Variants in HIVEP3 observed in about 807,000 individuals in gnomAD.
The protein encoded by HIVEP3 is transcription factor HIVEP3.
Under a neutral mutation model 152.8 loss-of-function variants are expected in HIVEP3, and 49 were observed. That is an observed-to-expected ratio of 0.32 (90% CI 0.26 to 0.41). The LOEUF (loss-of-function observed/expected upper bound fraction) is 0.41, where lower values mean the gene tolerates loss of function less well. Among genes scored for constraint, HIVEP3 ranks in the 10% least tolerant of loss-of-function variants. HIVEP3 has a pLI of 1.00. For synonymous variants in HIVEP3, 1,269 were observed against 1,289.0 expected (o/e 0.98, Z 0.33); for missense variants, 2,790 against 3,103.3 (o/e 0.90, Z 2.40).
At position 41,752,259 on chromosome 1, in the gene HIVEP3, A is replaced by C. The variant is rs78151068; in HGVS notation, c.-800-51264T>G. On this transcript the variant is annotated intron_variant, in intron 1 of 8. Coordinates refer to ENST00000372583, the MANE Select transcript of HIVEP3 (RefSeq NM_024503.5). ...TGTGCTGCACCTCCCTGGTCAGCAC[A>C]CATGGAGTCTGTGGCAGTCACCCAC... Among the ~76,000 whole-genome samples, 33 of 152,338 alleles carry C rather than the reference A, an allele frequency of 2.2e-4. No individual in the cohort carries two copies. In the East Asian group the frequency reaches 5.6e-3, roughly 26 times the overall value.
chr1:41,646,251 G>A (rs1257708637), intron 2 of HIVEP3, among the ~76,000 whole-genome samples: 1 of 152,228 alleles, frequency 6.6e-6, no homozygotes, highest in African/African-American at 2.4e-5. Context: ...AGCCTATGGA[G>A]AAGGAAGGAG....
intron 1 of HIVEP3, among the ~76,000 whole-genome samples, chr1:41,850,508 G>A (rs1643566460): frequency 6.6e-6 from 1 of 152,158 alleles, no homozygotes; most frequent in South Asian, 2.1e-4. Context: ...AGGAACCCCA[G>A]CAGCACTACT....
chr1:41,701,548 C>T (rs1260978123), intron 1 of HIVEP3, among the ~76,000 whole-genome samples: 1 of 152,156 alleles, frequency 6.6e-6, no homozygotes, highest in African/African-American at 2.4e-5. Flanking sequence ...GACCTCTGTG[C>T]CAGGTGCTGG....
At chr1:41,939,408 G>A (rs1465400203) in intron 1 of HIVEP3, among the ~76,000 whole-genome samples, 3 of 152,232 alleles carry the variant, frequency 2.0e-5, no homozygotes, top group Admixed American at 6.5e-5. Flanking sequence ...GGCAGGTGCT[G>A]ACGAGTCTCC....
rs2146315 is a variant in HIVEP3, at chr1:41,584,695, C to T, written c.103G>A (p.Val35Ile). 0.25 allele frequency: 387,618 copies of T among 1,567,498 alleles called. 49,720 individuals carry two copies. The highest frequency in any genetic ancestry group is 0.38 in the East Asian group (16,703 of 44,458). ...GCTGTGCCGCTGCCTGGGTATGGGA[C>T]GCTGGAAGAAACACTGGTCTGAATG... ...EAIQTSVSSS[V>I]PYPGSGTAAT... The change falls in exon 4 of 9, where the codon GTC (valine) becomes ATC (isoleucine). Residue 35 changes from valine to isoleucine, a missense_variant. Around this residue, in one of 9 missense-constraint regions of HIVEP3, gnomAD observed 209 missense variants for 237.0 expected, o/e 0.88. Transcript: ENST00000372583. The surrounding 1 kb of genome is among the most constrained non-coding windows in gnomAD (Gnocchi z 5.2).
At chr1:41,650,314 AC>A (rs1168180835) in intron 2 of HIVEP3, among the ~76,000 whole-genome samples, 7 of 152,082 alleles carry the variant, frequency 4.6e-5, no homozygotes, top group African/African-American at 2.4e-5. Flanking sequence ...CTGCTGAAGC[AC>A]CATTGCGTGC....
chr1:41,658,786 G>T (rs934222689), intron 2 of HIVEP3, among the ~76,000 whole-genome samples: 1 of 152,180 alleles, frequency 6.6e-6, no homozygotes, highest in Non-Finnish European at 1.5e-5. Context: ...ATCAGGAACC[G>T]CACAGATGTA....
At chr1:41,609,017 G>A (rs1337139276) in intron 3 of HIVEP3, among the ~76,000 whole-genome samples, 6 of 151,956 alleles carry the variant, frequency 3.9e-5, no homozygotes, top group African/African-American at 9.7e-5. Context: ...CTAGGAGGTG[G>A]AGGTTGCAGT....
intron 1 of HIVEP3, chr1:41,848,017 C>G (rs1203003342): frequency 1.3e-5 from 2 of 152,220 alleles, no homozygotes; most frequent in African/African-American, 4.8e-5. Context: ...AGTGGTGCTT[C>G]TAGCCTAAAG....
intron 1 of HIVEP3, among the ~76,000 whole-genome samples, chr1:41,929,267 C>G (rs1463259611): frequency 6.6e-6 from 1 of 152,170 alleles, no homozygotes; most frequent in Non-Finnish European, 1.5e-5. Flanking sequence ...TTTATCAAAA[C>G]AGACTCATGG....
At chr1:41,739,508 G>A (rs953940413) in intron 1 of HIVEP3, among the ~76,000 whole-genome samples, 1 of 152,200 alleles carries the variant, frequency 6.6e-6, no homozygotes, top group African/African-American at 2.4e-5. Context: ...TGGGAACACC[G>A]AGACTCAGGG....
chr1:41,531,568 CAG>C (rs1459775181), intron 5 of HIVEP3, among the ~76,000 whole-genome samples: 2 of 57,268 alleles, frequency 3.5e-5, no homozygotes, highest in Non-Finnish European at 6.6e-5. Flanking sequence ...AGATGGAAGA[CAG>C]GGGAGATGGA....
chr1:41,639,994 G>A (rs1294529290), intron 2 of HIVEP3, among the ~76,000 whole-genome samples: 2 of 152,222 alleles, frequency 1.3e-5, no homozygotes, highest in African/African-American at 4.8e-5. Context: ...ACTTTCCATT[G>A]TATGAAGGAG....
Position 41,826,729 on chromosome 1 carries a change from G to A in HIVEP3, c.-801+91684C>T, listed in dbSNP as rs113356913. Among the ~76,000 whole-genome samples the A allele has an allele frequency of 3.7e-3, 556 of 152,314 alleles. 8 individuals carry two copies. The East Asian group carries it at 0.039, about 11-fold the overall frequency. The stretch of plus-strand genomic sequence containing the variant: ...TCTGAAGGTTTTGTATGCTGGAGAC[G>A]TGGTTGTGAGTTGTCTTACAGTTCA... On this transcript the variant is annotated intron_variant, in intron 1 of 8. Transcript: ENST00000372583.
chr1:41,919,104 G>GCATATATATGCA (rs569164437), upstream of HIVEP3, among the ~76,000 whole-genome samples: 2 of 151,806 alleles, frequency 1.3e-5, no homozygotes, highest in Non-Finnish European at 1.5e-5. Flanking sequence ...TAATATATGT[G>GCATATATATGCA]CATATATATG....
At chr1:41,624,939 A>G (rs10789404) in intron 3 of HIVEP3, among the ~76,000 whole-genome samples, 89,416 of 151,356 alleles carry the variant, frequency 0.59, 27,185 homozygotes, top group African/African-American at 0.75. Flanking sequence ...GCCGAGGTGG[A>G]TGGATCACAA....
chr1:41,866,791 G>A (rs948261072), intron 1 of HIVEP3, among the ~76,000 whole-genome samples: 2 of 152,194 alleles, frequency 1.3e-5, no homozygotes, highest in African/African-American at 4.8e-5. Context: ...ACAGTCAGCA[G>A]CTGCAGAGCA....
intron 5 of HIVEP3, among the ~76,000 whole-genome samples, chr1:41,527,162 TCACACACC>T (rs1448088116): frequency 7.0e-5 from 4 of 57,532 alleles, no homozygotes; most frequent in Non-Finnish European, 1.4e-4. Flanking sequence ...GCTCATCCTC[TCACACACC>T]CACACACCCA....
intron 1 of HIVEP3, among the ~76,000 whole-genome samples, chr1:41,884,903 G>A (rs1051233746): frequency 8.0e-5 from 12 of 150,912 alleles, no homozygotes; most frequent in Admixed American, 4.7e-4. Flanking sequence ...AGAATCTCTC[G>A]TTACCATCAC....
Sources: allele counts gnomAD v4.1 joint callset (sites outside exome capture counted in the v4.1 genomes callset), GRCh38; gene constraint gnomAD v4.1.1; regional missense constraint gnomAD v4.1.1; non-coding constraint Gnocchi (gnomAD v3.1); transcripts MANE v1.5; gene names NCBI Gene and HGNC (gene_info 2026-07-23, HGNC 2026-07-21).